Variants in P4HA2 observed in about 807,000 individuals in gnomAD.
P4HA2 encodes the protein prolyl 4-hydroxylase subunit alpha 2, also known as prolyl 4-hydroxylase subunit alpha-2.
Under a neutral mutation model 76.9 loss-of-function variants are expected in P4HA2, and 46 were observed. The ratio of observed to expected loss-of-function variants is 0.60; its 90% confidence interval spans 0.47 to 0.76. The LOEUF is 0.76. Among genes scored for constraint, P4HA2 ranks in the 30% least tolerant of loss-of-function variants. The probability of loss-of-function intolerance (pLI) is 0.00; values close to 1 mark genes in which losing one functional copy is unlikely to be tolerated. For missense variants in P4HA2, 583 were observed against 669.4 expected, an observed-to-expected ratio of 0.87 and a Z score of 1.42; for synonymous variants, 243 against 254.0, an observed-to-expected ratio of 0.96 and a Z score of 0.41.
intron 2 of P4HA2, 125 bp from the exon 3 acceptor site, chr5:132,217,973 G>T: frequency 1.7e-6 from 1 of 596,646 alleles, no homozygotes; most frequent in Non-Finnish European, 3.0e-6. Flanking sequence ...AGCTCTCTGA[G>T]GATTATGGGG....
Position 132,218,523 on chromosome 5 carries a change from C to T in P4HA2, c.82+22G>A, listed in dbSNP as rs118053518. The T allele has an allele frequency of 4.9e-3, 7,599 of 1,560,318 alleles. 206 individuals are homozygous for T. The highest frequency in any genetic ancestry group is 0.044 in the East Asian group (1,962 of 44,608). ...CATGTGAGCCAAGGTGTCAGGGAGA[C>T]GACAGTCCTGTTGGCACGTACCAAT... On this transcript the variant is annotated intron_variant, in intron 2 of 14. Coordinates refer to ENST00000360568, the MANE Select transcript of P4HA2 (RefSeq NM_001017974.2).
At chr5:132,207,972 C>T (rs1252909006) in intron 7 of P4HA2, 88 bp from the exon 8 acceptor site, 1 of 1,021,990 alleles carries the variant, frequency 9.8e-7, no homozygotes, top group African/African-American at 1.7e-5. Flanking sequence ...GGACTCACCT[C>T]ATGGCCAGCA....
chr5:132,198,492 G>T, intron 11 of P4HA2, 112 bp from the exon 12 acceptor site: 1 of 1,005,502 alleles, frequency 9.9e-7, no homozygotes, highest in Non-Finnish European at 1.5e-6. Flanking sequence ...CCATAAATCA[G>T]CCTGGAATAT....
chr5:132,211,913 C>A (rs557163216), intron 5 of P4HA2, among the ~76,000 whole-genome samples: 69 of 152,314 alleles, frequency 4.5e-4, no homozygotes, highest in African/African-American at 1.5e-3. Context: ...CTCCTATGCT[C>A]CCCAGGATGC....
At position 132,225,790 on chromosome 5, in the gene P4HA2, G is replaced by A. The variant is rs140276205; in HGVS notation, c.-19+2000C>T. On this transcript the variant is annotated intron_variant, in intron 1 of 14. Transcript: ENST00000360568. The stretch of plus-strand genomic sequence containing the variant: ...TAGAGTACCCCAATGCAGAGCTTTC[G>A]ACAGGATACAAGGGCCTATCACATG... 1.5e-3 allele frequency among the ~76,000 whole-genome samples: 222 copies of A among 152,282 alleles called. 1 individual carries two copies. The highest frequency in any genetic ancestry group is 4.7e-3 in the African/African-American group (197 of 41,552).
chr5:132,207,829 G>C lies in P4HA2; in HGVS notation c.959C>G (p.Pro320Arg), dbSNP rs201961236. 3.1e-6 allele frequency: 5 copies of C among 1,609,134 alleles called. No homozygotes were observed. The highest frequency in any genetic ancestry group is 3.4e-6 in the Non-Finnish European group (4 of 1,177,740). The change falls in exon 8 of 15, where the codon CCA (proline) becomes CGA (arginine). Residue 320 changes from proline (P) to arginine (R), a missense_variant. Transcript: ENST00000360568. ...FCRYHHGNRA[P>R]QLLIAPFKEE... ...TTTGAAGGGGGCAATGAGCAGCTGT[G>C]GGGCCCTGTTGCCATGGTGGTACCT...
At chr5:132,217,497 A>G in intron 3 of P4HA2, 149 bp from the exon 4 acceptor site, 1 of 702,714 alleles carries the variant, frequency 1.4e-6, no homozygotes, top group South Asian at 1.8e-5. Flanking sequence ...AACTCCCCAC[A>G]GATACTTCTA....
Position 132,191,628 on chromosome 5 carries a change from C to T in P4HA2, c.*1382G>A, listed in dbSNP as rs156033. Among the ~76,000 whole-genome samples, 41,354 of 151,102 alleles carry T rather than the reference C, an allele frequency of 0.27. 6,724 individuals are homozygous for T. The highest frequency in any genetic ancestry group is 0.47 in the African/African-American group (19,284 of 41,194). Reference sequence around the variant, plus strand: ...TTCAAAAGTATGAAAATACTAAATACTGGAAAAGATTGGGGTAATAACTCT... The same window carrying T: ...TTCAAAAGTATGAAAATACTAAATATTGGAAAAGATTGGGGTAATAACTCT... On this transcript the variant is annotated 3_prime_UTR_variant, in exon 15 of 15. Coordinates refer to ENST00000360568, the MANE Select transcript of P4HA2 (RefSeq NM_001017974.2).
intron 7 of P4HA2, among the ~76,000 whole-genome samples, chr5:132,208,386 GGGGGA>G (rs1752513213): frequency 3.4e-5 from 1 of 29,816 alleles, no homozygotes; most frequent in African/African-American, 1.2e-4. Flanking sequence ...AGGAGGAGAA[GGGGGA>G]GGGGAGGGGG....
Position 132,191,661 on chromosome 5 carries a change from T to A in P4HA2, c.*1349A>T, listed in dbSNP as rs906126719. 6.6e-6 allele frequency among the ~76,000 whole-genome samples: 1 copy of A among 152,206 alleles called. No individual in the cohort carries two copies. The highest frequency in any genetic ancestry group is 1.5e-5 in the Non-Finnish European group (1 of 68,038). On this transcript the variant is annotated 3_prime_UTR_variant, in exon 15 of 15. Transcript: ENST00000360568. ...GATTGGGGTAATAACTCTCATTTAC[T>A]CCTGGTGAGAATGTGTATAACCACC... is the stretch of plus-strand genomic sequence containing the variant.
intron 10 of P4HA2, chr5:132,203,402 C>T (rs111237197): frequency 1.4e-4 from 34 of 248,118 alleles, no homozygotes; most frequent in African/African-American, 6.3e-4. Flanking sequence ...ACCATGGCCT[C>T]TGAAGTCATT....
At chr5:132,199,739 A>G (rs1309207621) in intron 10 of P4HA2, 1 of 152,320 alleles carries the variant, frequency 6.6e-6, no homozygotes, top group Non-Finnish European at 1.5e-5. Context: ...AGCACCACCA[A>G]TGTCCATCTG....
intron 8 of P4HA2, among the ~76,000 whole-genome samples, chr5:132,204,995 G>A (rs894340308): frequency 1.3e-5 from 2 of 152,250 alleles, no homozygotes; most frequent in African/African-American, 4.8e-5. Flanking sequence ...GGGGCCATAG[G>A]CCCAGGTACT....
At chr5:132,219,774 A>T (rs1056965455) in intron 1 of P4HA2, among the ~76,000 whole-genome samples, 17 of 152,128 alleles carry the variant, frequency 1.1e-4, no homozygotes, top group South Asian at 4.1e-4. Flanking sequence ...CCAGTTCATC[A>T]GTTTTTTGCC....
chr5:132,219,565 CA>C (rs1245655017), intron 1 of P4HA2, among the ~76,000 whole-genome samples: 2 of 152,178 alleles, frequency 1.3e-5, no homozygotes, highest in Admixed American at 1.3e-4. Context: ...CTCAGCCATG[CA>C]GCCTAGACTG....
chr5:132,203,010 A>T (rs771638445), intron 10 of P4HA2: 2 of 152,222 alleles, frequency 1.3e-5, no homozygotes, highest in Non-Finnish European at 1.5e-5. Flanking sequence ...CAACATTCCC[A>T]GGCACTGATG....
At chr5:132,216,337 T>A (rs1753893223) in intron 4 of P4HA2, among the ~76,000 whole-genome samples, 1 of 152,118 alleles carries the variant, frequency 6.6e-6, no homozygotes, top group Non-Finnish European at 1.5e-5. Context: ...TTAAAGCTTT[T>A]AAAAAGTTCA....
At chr5:132,197,633 A>G (rs1283401806) in intron 12 of P4HA2, among the ~76,000 whole-genome samples, 5 of 147,900 alleles carry the variant, frequency 3.4e-5, no homozygotes, top group Non-Finnish European at 7.4e-5. Context: ...AAAAAAAAAG[A>G]AGAAGAAGAA....
chr5:132,206,332 C>A (rs945863871), intron 8 of P4HA2, among the ~76,000 whole-genome samples: 8 of 152,162 alleles, frequency 5.3e-5, no homozygotes, highest in African/African-American at 1.9e-4. Flanking sequence ...ATATATCTGG[C>A]TAGCCCCCTT....
Sources: gnomAD v4.1 joint callset for allele counts (sites outside exome capture counted in the v4.1 genomes callset) on GRCh38, gnomAD v4.1.1 for gene constraint, MANE v1.5 for transcripts, NCBI Gene and HGNC (gene_info 2026-07-23, HGNC 2026-07-21) for gene names.